The following SPRR2G variants were observed in gnomAD, a reference collection of about 807,000 sequenced individuals.
SPRR2G encodes small proline rich protein 2G.
In SPRR2G, 1 loss-of-function variant was observed where a neutral mutation model predicts 0.7. The ratio of observed to expected loss-of-function variants is 1.49; its 90% CI spans 0.53 to 7.06. The LOEUF (loss-of-function observed/expected upper bound fraction) is 7.06, where lower values mean the gene tolerates loss of function less well. Among genes scored for constraint, SPRR2G ranks in the 30% most tolerant of loss-of-function variants. The pLI, the probability that SPRR2G is intolerant of heterozygous loss-of-function variation, is 0.14. For synonymous variants in SPRR2G, 38 were observed against 33.9 expected (o/e 1.12, Z -0.42); for missense variants, 96 against 88.5 (o/e 1.09, Z -0.34).
At chr1:153,177,041 T>G in the SPRR2G span, among the ~76,000 whole-genome samples, 5 of 152,344 alleles carry the variant, frequency 3.3e-5, no homozygotes, top group East Asian at 9.6e-4. Flanking sequence ...TTCCTTATTC[T>G]GCATTTCCCT....
At chr1:153,175,355 T>C in the SPRR2G span, among the ~76,000 whole-genome samples, 1 of 152,204 alleles carries the variant, frequency 6.6e-6, no homozygotes, top group Non-Finnish European at 1.5e-5. Flanking sequence ...TTGAACGCCT[T>C]AACATTGACC....
the SPRR2G span, among the ~76,000 whole-genome samples, chr1:153,163,807 C>A: frequency 6.6e-6 from 1 of 152,160 alleles, no homozygotes; most frequent in Non-Finnish European, 1.5e-5. Flanking sequence ...AACATTTCGA[C>A]CTAGATTATC....
chr1:153,195,135 C>T, the SPRR2G span, among the ~76,000 whole-genome samples: 1 of 152,148 alleles, frequency 6.6e-6, no homozygotes, highest in Non-Finnish European at 1.5e-5. Flanking sequence ...TGGACTTCCT[C>T]TCCATGCTAA....
At chr1:153,180,089 C>A in the SPRR2G span, among the ~76,000 whole-genome samples, 1 of 152,064 alleles carries the variant, frequency 6.6e-6, no homozygotes, top group East Asian at 1.9e-4. Flanking sequence ...TTAAAGTAAC[C>A]TTTTAACTGA....
chr1:153,178,714 A>G, the SPRR2G span, among the ~76,000 whole-genome samples: 1 of 152,104 alleles, frequency 6.6e-6, no homozygotes, highest in Non-Finnish European at 1.5e-5. Flanking sequence ...TATGCTCCTG[A>G]GGAATAACGA....
chr1:153,159,695 G>T, the SPRR2G span, among the ~76,000 whole-genome samples: 1 of 152,168 alleles, frequency 6.6e-6, no homozygotes, highest in Non-Finnish European at 1.5e-5. Flanking sequence ...CATGGCTAGG[G>T]AGGCCTCAGG....
chr1:153,167,118 G>T, the SPRR2G span, among the ~76,000 whole-genome samples: 1 of 152,120 alleles, frequency 6.6e-6, no homozygotes, highest in East Asian at 1.9e-4. Context: ...AATAACCTTG[G>T]CATGCCATAC....
chr1:153,149,672 A>AGAC lies in SPRR2G; in HGVS notation c.*214_*216dup, dbSNP rs1198054856. Reference sequence around the variant, plus strand: ...GGATAGGAACCACCATCTACATCACAGACAGCAAAGCGAGATTAGGCAGTG... The same window carrying AGAC: ...GGATAGGAACCACCATCTACATCACAGACGACAGCAAAGCGAGATTAGGCAGTG... On this transcript the variant is annotated 3_prime_UTR_variant, in exon 2 of 2. Transcript: ENST00000368748. The AGAC allele has an allele frequency of 2.4e-5, 15 of 633,474 alleles. No individual in the cohort carries two copies. The African/African-American group carries it at 2.4e-4, about 10-fold the overall frequency. The allele number at this position is 633,474 out of a possible 1,614,324, so 39.2% of individuals were successfully genotyped here.
upstream of SPRR2G, chr1:153,150,963 T>C (rs373680072): frequency 6.6e-6 from 1 of 152,278 alleles, no homozygotes; most frequent in Non-Finnish European, 1.5e-5. Flanking sequence ...AGGACTAGCA[T>C]GATGTGCTTA....
At chr1:153,200,856 C>A in the SPRR2G span, among the ~76,000 whole-genome samples, 1 of 152,084 alleles carries the variant, frequency 6.6e-6, no homozygotes, top group Non-Finnish European at 1.5e-5. Context: ...TGCGCCACCA[C>A]GCCCAGCTAA....
chr1:153,158,003 G>A, the SPRR2G span, among the ~76,000 whole-genome samples: 1 of 152,004 alleles, frequency 6.6e-6, no homozygotes, highest in East Asian at 1.9e-4. Context: ...CTCCCAACAG[G>A]TCCCTCCCTC....
chr1:153,193,419 A>G, the SPRR2G span, among the ~76,000 whole-genome samples: 1 of 152,070 alleles, frequency 6.6e-6, no homozygotes, highest in East Asian at 1.9e-4. Context: ...TTCATTCCCT[A>G]TGCTGCCCTC....
the SPRR2G span, among the ~76,000 whole-genome samples, chr1:153,197,899 C>T: frequency 6.6e-6 from 1 of 152,200 alleles, no homozygotes. Context: ...GAAGCATTAA[C>T]TATTGCCTGG....
At chr1:153,162,654 A>C in the SPRR2G span, among the ~76,000 whole-genome samples, 1 of 152,154 alleles carries the variant, frequency 6.6e-6, no homozygotes, top group Non-Finnish European at 1.5e-5. Flanking sequence ...GCAGGGTCCT[A>C]AAGCAGGACA....
the SPRR2G span, among the ~76,000 whole-genome samples, chr1:153,202,318 C>T: frequency 6.6e-6 from 1 of 152,232 alleles, no homozygotes; most frequent in Non-Finnish European, 1.5e-5. Flanking sequence ...TTCCTTCCAC[C>T]AGTCACCTAC....
At chr1:153,179,710 T>G in the SPRR2G span, among the ~76,000 whole-genome samples, 1 of 152,068 alleles carries the variant, frequency 6.6e-6, no homozygotes, top group Non-Finnish European at 1.5e-5. Flanking sequence ...TTATTATCAC[T>G]TCTCATCTTC....
the SPRR2G span, among the ~76,000 whole-genome samples, chr1:153,178,362 G>C: frequency 4.1e-4 from 63 of 152,222 alleles, no homozygotes; most frequent in Admixed American, 1.8e-3. Flanking sequence ...GGAAATGTTA[G>C]AATAGAAGTA....
At chr1:153,169,455 A>C in the SPRR2G span, among the ~76,000 whole-genome samples, 4 of 151,862 alleles carry the variant, frequency 2.6e-5, no homozygotes, top group Admixed American at 2.6e-4. Flanking sequence ...AGTCCCAGCC[A>C]CTCGGGAGAC....
At chr1:153,192,786 T>A in the SPRR2G span, among the ~76,000 whole-genome samples, 1 of 152,234 alleles carries the variant, frequency 6.6e-6, no homozygotes, top group Non-Finnish European at 1.5e-5. Flanking sequence ...TTTGTTTAAG[T>A]TTAGCAGGCA....
Sources: gnomAD v4.1 joint callset for allele counts (sites outside exome capture counted in the v4.1 genomes callset) on GRCh38, gnomAD v4.1.1 for gene constraint, MANE v1.5 for transcripts, NCBI Gene and HGNC (gene_info 2026-07-23, HGNC 2026-07-21) for gene names.